The following SETD3 variants were observed in gnomAD, a reference collection of about 807,000 sequenced individuals.
SETD3 encodes the protein actin-histidine N-methyltransferase.
A neutral mutation model predicts 63.0 loss-of-function variants in SETD3; 19 were observed. That is an observed-to-expected ratio of 0.30 (90% CI 0.21 to 0.44). The LOEUF (loss-of-function observed/expected upper bound fraction) is 0.44, where lower values mean the gene tolerates loss of function less well. Among genes scored for constraint, SETD3 ranks in the 20% least tolerant of loss-of-function variants. SETD3 has a pLI of 1.00. For synonymous variants in SETD3, 286 were observed against 264.1 expected, an observed-to-expected ratio of 1.08 and a Z score of -0.80; for missense variants, 587 against 728.5, an observed-to-expected ratio of 0.81 and a Z score of 2.24.
At chr14:99,458,561 G>GTT (rs770311303) in intron 5 of SETD3, 26 bp from the exon 6 acceptor site, 3 of 1,588,546 alleles carry the variant, frequency 1.9e-6, no homozygotes, top group Non-Finnish European at 2.6e-6. Flanking sequence ...AGTTAACAGC[G>GTT]TAAGTTCCAC....
intron 1 of SETD3, among the ~76,000 whole-genome samples, chr14:99,470,396 T>TA (rs1406261527): frequency 6.6e-6 from 1 of 152,220 alleles, no homozygotes; most frequent in Non-Finnish European, 1.5e-5. Flanking sequence ...ATACAGGCTA[T>TA]AAGGTAGAAA....
In SETD3 at chr14:99,420,947, CGGGGGGGGGGGGGGGGGGGGGGGG is replaced by C. The variant is rs559807226; in HGVS notation, c.676-7037_676-7014del. ...CTCACTGGAAAAAGCCAGGCGAGGGCGGGGGGGGGGGGGGGGGGGGGGGGGGGGGTGGGAGGTGCAGACAAGCTA... is the reference window on the plus strand; with the variant it reads ...CTCACTGGAAAAAGCCAGGCGAGGGCGGGGGTGGGAGGTGCAGACAAGCTA... On this transcript the variant is annotated intron_variant, in intron 6 of 12. Coordinates refer to ENST00000331768, the MANE Select transcript of SETD3 (RefSeq NM_032233.3). Among the ~76,000 whole-genome samples the C allele has an allele frequency of 7.6e-3, 56 of 7,384 alleles. 3 individuals are homozygous for C. In the East Asian group the frequency reaches 0.22, roughly 29 times the overall value. 4.8% of individuals were successfully genotyped at this position (7,384 alleles called of 152,430 possible).
At chr14:99,403,451 A>ACT (rs1316443573) in intron 11 of SETD3, among the ~76,000 whole-genome samples, 34 of 107,126 alleles carry the variant, frequency 3.2e-4, no homozygotes, top group African/African-American at 1.3e-3. Context: ...ACACACACAC[A>ACT]CACACTCTCT....
chr14:99,476,273 C>T (rs1251155046), intron 1 of SETD3, among the ~76,000 whole-genome samples: 1 of 152,218 alleles, frequency 6.6e-6, no homozygotes, highest in Non-Finnish European at 1.5e-5. Flanking sequence ...CGGCTCAAAA[C>T]CAACCCATTT....
intron 10 of SETD3, 120 bp from the exon 11 acceptor site, chr14:99,404,430 G>C (rs905124036): frequency 8.3e-5 from 69 of 832,520 alleles, no homozygotes; most frequent in Non-Finnish European, 1.2e-4. Context: ...GCTGGAATGG[G>C]TCATTCCAGC....
intron 6 of SETD3, among the ~76,000 whole-genome samples, chr14:99,445,871 C>T (rs982102210): frequency 2.6e-5 from 4 of 152,120 alleles, no homozygotes; most frequent in African/African-American, 9.7e-5. Flanking sequence ...TGTTTTAAAG[C>T]AGGTTTCAAA....
intron 6 of SETD3, among the ~76,000 whole-genome samples, chr14:99,454,691 G>C (rs1334470234): frequency 1.3e-5 from 2 of 152,224 alleles, no homozygotes; most frequent in African/African-American, 4.8e-5. Context: ...AACCCTGGGA[G>C]TCAGGCACTC....
intron 6 of SETD3, among the ~76,000 whole-genome samples, chr14:99,420,690 A>AT (rs1334942136): frequency 6.6e-6 from 1 of 151,936 alleles, no homozygotes; most frequent in Non-Finnish European, 1.5e-5. Flanking sequence ...GAATCTTCTC[A>AT]TTTTTTTCCC....
chr14:99,438,485 T>C (rs1893612956), intron 6 of SETD3, among the ~76,000 whole-genome samples: 3 of 152,214 alleles, frequency 2.0e-5, no homozygotes, highest in Admixed American at 1.3e-4. Flanking sequence ...TTCTAGACCA[T>C]AAAGCTTCAA....
chr14:99,406,732 G>A, intron 8 of SETD3, 142 bp from the exon 9 acceptor site: 3 of 740,768 alleles, frequency 4.0e-6, no homozygotes, highest in Non-Finnish European at 4.6e-6. Context: ...TTTGGAAAAT[G>A]GGGCAAAGAA....
chr14:99,476,547 T>C (rs1243148312), intron 1 of SETD3, among the ~76,000 whole-genome samples: 1 of 152,226 alleles, frequency 6.6e-6, no homozygotes, highest in African/African-American at 2.4e-5. Context: ...GAGGTGACCA[T>C]GACATGCAGC....
At position 99,458,408 on chromosome 14, in the gene SETD3, T is replaced by C; in HGVS notation, c.546A>G (p.Glu182=). The C allele has an allele frequency of 1.2e-6, 2 of 1,614,112 alleles. No homozygotes were observed. The highest frequency in any genetic ancestry group is 1.7e-6 in the Non-Finnish European group (2 of 1,180,018). Residue 182 remains glutamate, a synonymous_variant, in exon 6 of 13, where the codon GAA becomes GAG. Coordinates refer to ENST00000331768, the MANE Select transcript of SETD3 (RefSeq NM_032233.3). ...WQPYIQTLPS[E]YDTPLYFEED... ...CTTCAAAGTAGAGAGGAGTGTCATA[T>C]TCACTGGGGAGGGTTTGAATATAGG... is the stretch of plus-strand genomic sequence containing the variant.
At chr14:99,476,549 A>C (rs1428151353) in intron 1 of SETD3, among the ~76,000 whole-genome samples, 1 of 152,236 alleles carries the variant, frequency 6.6e-6, no homozygotes, top group Non-Finnish European at 1.5e-5. Context: ...GGTGACCATG[A>C]CATGCAGCGA....
intron 6 of SETD3, among the ~76,000 whole-genome samples, chr14:99,440,770 T>C (rs1368221504): frequency 1.3e-5 from 2 of 150,216 alleles, no homozygotes; most frequent in Non-Finnish European, 3.0e-5. Flanking sequence ...CTTGACAGTG[T>C]TGTGGGAGTA....
At chr14:99,458,086 G>GAT (rs893819615) in intron 6 of SETD3, among the ~76,000 whole-genome samples, 193 bp downstream of exon 6, 1 of 152,090 alleles carries the variant, frequency 6.6e-6, no homozygotes, top group South Asian at 2.1e-4. Flanking sequence ...GATGAAATCA[G>GAT]ATATATATAT....
chr14:99,410,214 G>C (rs751651393), intron 8 of SETD3: 1 of 1,613,742 alleles, frequency 6.2e-7, no homozygotes, highest in East Asian at 2.2e-5. Flanking sequence ...ATCTTCTGGT[G>C]TCTGAAGAAT....
intron 6 of SETD3, among the ~76,000 whole-genome samples, chr14:99,456,951 G>C (rs962137044): frequency 6.6e-5 from 10 of 152,176 alleles, no homozygotes; most frequent in African/African-American, 2.4e-4. Context: ...TTGCAAACTA[G>C]AAGCACATTA....
chr14:99,481,579 CTCTT>C (rs1896322188), upstream of SETD3: 5 of 397,532 alleles, frequency 1.3e-5, no homozygotes, highest in South Asian at 1.3e-4. Flanking sequence ...GGCGGAGTCT[CTCTT>C]TCCGGATTCT....
chr14:99,481,532 G>A (rs1038981241), upstream of SETD3: 1 of 398,534 alleles, frequency 2.5e-6, no homozygotes, highest in Admixed American at 4.4e-5. Flanking sequence ...CGTATCTGGA[G>A]GTCGGAGTAG....
Sources: allele counts gnomAD v4.1 joint callset (sites outside exome capture counted in the v4.1 genomes callset), GRCh38; gene constraint gnomAD v4.1.1; transcripts MANE v1.5; gene names NCBI Gene and HGNC (gene_info 2026-07-23, HGNC 2026-07-21).